The following RBMX variants were observed in gnomAD, a reference collection of about 807,000 sequenced individuals.
RBMX encodes RNA binding motif protein X-linked, also known as RNA-binding motif protein, X chromosome.
In RBMX, 1 loss-of-function variant was observed where a neutral mutation model predicts 29.3. The ratio of observed to expected loss-of-function variants is 0.03; its 90% CI spans 0.01 to 0.16. The LOEUF (loss-of-function observed/expected upper bound fraction) is 0.16, where lower values mean the gene tolerates loss of function less well. Ranked by LOEUF, RBMX falls within the 10% of genes least tolerant of loss-of-function variation. RBMX has a pLI of 1.00. For synonymous variants in RBMX, 102 were observed against 102.3 expected (o/e 1.00, Z 0.02); for missense variants, 121 against 333.2 (o/e 0.36, Z 4.96).
At chrX:136,873,075 G>A (rs1400209701), downstream of RBMX, 1 of 108,003 alleles carries the variant, frequency 9.3e-6, no homozygotes, top group Non-Finnish European at 1.9e-5. Context: ...AAATCCAAGT[G>A]TTGAATTTGG....
Position 136,878,818 on chromosome X carries a change from T to C in RBMX, c.216+199A>G, listed in dbSNP as rs772012308. Among the ~76,000 whole-genome samples, 5 of 108,916 alleles carry C rather than the reference T, an allele frequency of 4.6e-5. No homozygotes were observed. In the East Asian group the frequency reaches 1.4e-3, roughly 31 times the overall value. 94.6% of individuals were successfully genotyped at this position (108,916 alleles called of 115,157 possible). A position where few individuals can be genotyped will look rare whatever the true frequency, so the allele number is the denominator to read the frequency against. On this transcript the variant is annotated intron_variant, in intron 3 of 8. Coordinates refer to ENST00000320676, the MANE Select transcript of RBMX (RefSeq NM_002139.4). ...CTGAGAGAATGTTACGAGCATAAGA[T>C]ATAACTCACTACTAGATTTGGTTCT...
At chrX:136,880,330 G>T (rs1208584287) in intron 1 of RBMX, among the ~76,000 whole-genome samples, 1 of 112,203 alleles carries the variant, frequency 8.9e-6, no homozygotes, top group Non-Finnish European at 1.9e-5. Flanking sequence ...GCCGTGGTGC[G>T]GTCGCTCCTC....
intron 5 of RBMX, among the ~76,000 whole-genome samples, chrX:136,876,112 G>GTTTTTTTTTTTTGTTTT (rs1344902528): frequency 1.1e-5 from 1 of 87,865 alleles, no homozygotes; most frequent in African/African-American, 4.3e-5. Context: ...CATGAATAAA[G>GTTTTTTTTTTTTGTTTT]TTTTTTTTTT....
intron 7 of RBMX, 27 bp from the exon 8 acceptor site, chrX:136,875,195 C>T (rs368119043): frequency 8.3e-7 from 1 of 1,210,908 alleles, no homozygotes; most frequent in Non-Finnish European, 1.1e-6. Flanking sequence ...CCTTTAAGTC[C>T]CAGAGAATCA....
At chrX:136,871,668 T>G (rs1000487139), downstream of RBMX, among the ~76,000 whole-genome samples, 1 of 108,736 alleles carries the variant, frequency 9.2e-6, no homozygotes, top group African/African-American at 3.3e-5. Context: ...TTTCCTCTTC[T>G]TGAGACAGGG....
Position 136,875,069 on chromosome X carries a change from C to A in RBMX, c.865+17G>T. ...ACTCAAGCTGGTGATACTAAAGACCCTTAACCAGTATCTTACCATAACTCT... is the reference window on the plus strand; with the variant it reads ...ACTCAAGCTGGTGATACTAAAGACCATTAACCAGTATCTTACCATAACTCT... On this transcript the variant is annotated intron_variant, in intron 8 of 8. Coordinates refer to ENST00000320676, the MANE Select transcript of RBMX (RefSeq NM_002139.4). The A allele has an allele frequency of 8.3e-7, 1 of 1,210,285 alleles. No individual in the cohort carries two copies. The highest frequency in any genetic ancestry group is 1.1e-6 in the Non-Finnish European group (1 of 895,252).
At chrX:136,874,814 T>C in intron 8 of RBMX, 1 of 406,896 alleles carries the variant, frequency 2.5e-6, no homozygotes, top group Non-Finnish European at 3.8e-6. Context: ...AATAAAATTT[T>C]TAAATTGTAT....
chrX:136,877,178 T>C (rs1233243175), intron 4 of RBMX, among the ~76,000 whole-genome samples: 1 of 108,144 alleles, frequency 9.2e-6, no homozygotes, highest in Non-Finnish European at 1.9e-5. Flanking sequence ...CTACTAAAAA[T>C]ACAAAAATCC....
intron 4 of RBMX, among the ~76,000 whole-genome samples, 178 bp from the exon 5 acceptor site, chrX:136,876,833 G>A (rs1391296245): frequency 3.9e-5 from 4 of 103,456 alleles, no homozygotes; most frequent in African/African-American, 7.1e-5. Flanking sequence ...TCAGCCTCCC[G>A]AGTAGCTGGG....
chrX:136,877,533 C>T (rs1333310699), intron 4 of RBMX, among the ~76,000 whole-genome samples: 1 of 106,165 alleles, frequency 9.4e-6, no homozygotes, highest in East Asian at 3.0e-4. Context: ...TCACTGCAAC[C>T]TCTGCCTCCC....
chrX:136,874,477 A>G, intron 8 of RBMX, 25 bp from the exon 9 acceptor site: 2 of 1,197,580 alleles, frequency 1.7e-6, no homozygotes, highest in Non-Finnish European at 2.3e-6. Context: ...GTCAGGTAAT[A>G]TGGCAACACT....
At chrX:136,874,992 C>G (rs1356489176) in intron 8 of RBMX, 94 bp downstream of exon 8, 1 of 1,126,587 alleles carries the variant, frequency 8.9e-7, no homozygotes, top group Non-Finnish European at 1.2e-6. Flanking sequence ...AGCAAACATC[C>G]CTTTAAAAGC....
At chrX:136,872,623 T>C, downstream of RBMX, 1 of 314,264 alleles carries the variant, frequency 3.2e-6, no homozygotes, top group Non-Finnish European at 5.6e-6. Flanking sequence ...ACAAAACTTA[T>C]TTGAAGGAAT....
At chrX:136,878,109 AT>A in intron 3 of RBMX, 23 bp from the exon 4 acceptor site, 6 of 1,128,091 alleles carry the variant, frequency 5.3e-6, no homozygotes, top group Non-Finnish European at 7.1e-6. Flanking sequence ...ATACGATTAA[AT>A]TAAATCAAGA....
rs756837795 is a variant in RBMX, at chrX:136,879,107, G to A, written c.126C>T (p.Asp42=). The A allele has an allele frequency of 7.4e-6, 9 of 1,210,082 alleles. No homozygotes were observed. Among genetic ancestry groups the A allele is most frequent in the African/African-American group, 5.2e-5 (3 of 57,175 alleles). ...ATCCTCTTGATTTGTTGGTTTCACG[G>A]TCTTTCATCAAGAGTACTAAAAAGT... ...GRIVEVLLMK[D]RETNKSRGFA... Residue 42 remains aspartate (D), a synonymous_variant, in exon 3 of 9, where the codon GAC becomes GAT. Coordinates refer to ENST00000320676, the MANE Select transcript of RBMX (RefSeq NM_002139.4).
chrX:136,879,571 G>T (rs1376445644), intron 1 of RBMX, 118 bp from the exon 2 acceptor site: 10 of 633,251 alleles, frequency 1.6e-5, no homozygotes, highest in Non-Finnish European at 1.4e-5. Context: ...AATAACTAAA[G>T]AAAACGATAA....
intron 4 of RBMX, among the ~76,000 whole-genome samples, chrX:136,877,113 C>T (rs1345998621): frequency 4.6e-5 from 5 of 109,061 alleles, no homozygotes; most frequent in Admixed American, 9.7e-5. Flanking sequence ...CCAAGGCGGG[C>T]GGATCACCTG....
At chrX:136,875,658 T>C (rs2077720005) in intron 5 of RBMX, 73 bp from the exon 6 acceptor site, 4 of 1,120,423 alleles carry the variant, frequency 3.6e-6, no homozygotes, top group Admixed American at 2.9e-5. Flanking sequence ...ATTCAGGCTA[T>C]GAAAAATAAT....
chrX:136,875,900 C>T (rs1334178567), intron 5 of RBMX, among the ~76,000 whole-genome samples: 3 of 109,064 alleles, frequency 2.8e-5, no homozygotes, highest in Non-Finnish European at 5.7e-5. Context: ...CTTCTGGGTT[C>T]AAGTGATTCT....
Sources: gnomAD v4.1 joint callset for allele counts (sites outside exome capture counted in the v4.1 genomes callset) on GRCh38, gnomAD v4.1.1 for gene constraint, MANE v1.5 for transcripts, NCBI Gene and HGNC (gene_info 2026-07-23, HGNC 2026-07-21) for gene names.